The following LAMA1 variants were observed in gnomAD, a reference collection of about 807,000 sequenced individuals.
LAMA1 encodes laminin subunit alpha 1, also known as laminin subunit alpha-1.
A neutral mutation model predicts 348.7 loss-of-function variants in LAMA1; 219 were observed. That is an observed-to-expected ratio of 0.63 (90% CI 0.56 to 0.70). The LOEUF (loss-of-function observed/expected upper bound fraction) is 0.70, where lower values mean the gene tolerates loss of function less well. LAMA1 is among the 30% of genes least tolerant of loss of function. The pLI, the probability that LAMA1 is intolerant of heterozygous loss-of-function variation, is 0.00. For synonymous variants in LAMA1, 1,487 were observed against 1,491.0 expected (o/e 1.00, Z 0.06); for missense variants, 3,744 against 3,888.0 (o/e 0.96, Z 0.99).
intron 1 of LAMA1, among the ~76,000 whole-genome samples, chr18:7,085,468 T>G (rs375856196): frequency 2.2e-3 from 320 of 146,692 alleles, no homozygotes; most frequent in South Asian, 5.4e-3. Flanking sequence ...GCCCAGGCTG[T>G]AGTGCAGTGG....
intron 1 of LAMA1, among the ~76,000 whole-genome samples, chr18:7,099,717 A>T (rs2058283499): frequency 6.6e-6 from 1 of 151,914 alleles, no homozygotes; most frequent in Non-Finnish European, 1.5e-5. Context: ...AATAATAAAA[A>T]ATAAAAAAAA....
At chr18:7,065,131 G>C (rs1370575562) in intron 3 of LAMA1, among the ~76,000 whole-genome samples, 2 of 151,624 alleles carry the variant, frequency 1.3e-5, no homozygotes, top group Non-Finnish European at 2.9e-5. Flanking sequence ...TACTCAGGAG[G>C]CTGAGGCAGG....
intron 1 of LAMA1, among the ~76,000 whole-genome samples, chr18:7,109,315 G>A (rs1245107745): frequency 6.6e-6 from 1 of 152,178 alleles, no homozygotes; most frequent in Non-Finnish European, 1.5e-5. Context: ...GAACCCCCCT[G>A]GGGTTGTCTG....
chr18:6,963,431 G>C (rs919869970), intron 51 of LAMA1, among the ~76,000 whole-genome samples: 2 of 152,176 alleles, frequency 1.3e-5, no homozygotes, highest in Non-Finnish European at 2.9e-5. Context: ...ACTCCGCTGA[G>C]GTTTAAATGG....
At chr18:7,046,247 T>G (rs1161611750) in intron 6 of LAMA1, 31 bp downstream of exon 6, 2 of 1,409,284 alleles carry the variant, frequency 1.4e-6, no homozygotes, top group East Asian at 2.3e-5. Flanking sequence ...TGTTTTGAAG[T>G]TTTAGTAAAA....
At chr18:6,946,485 C>T (rs963132232) in intron 61 of LAMA1, among the ~76,000 whole-genome samples, 1 of 151,904 alleles carries the variant, frequency 6.6e-6, no homozygotes, top group Non-Finnish European at 1.5e-5. Context: ...CTTTGGGAGG[C>T]GAGGCGGGCG....
chr18:7,033,446 ACT>A (rs1184408729), intron 14 of LAMA1, among the ~76,000 whole-genome samples: 1 of 121,996 alleles, frequency 8.2e-6, no homozygotes, highest in African/African-American at 3.6e-5. Flanking sequence ...ATAGAGGGAG[ACT>A]CTGTCTCAAA....
intron 1 of LAMA1, among the ~76,000 whole-genome samples, chr18:7,081,596 T>G (rs1051493541): frequency 1.3e-5 from 2 of 152,210 alleles, no homozygotes; most frequent in East Asian, 3.8e-4. Flanking sequence ...TCCAAACTAT[T>G]CAGGAAACAA....
chr18:7,018,899 G>T (rs2057902393), intron 19 of LAMA1, among the ~76,000 whole-genome samples: 1 of 152,166 alleles, frequency 6.6e-6, no homozygotes, highest in Non-Finnish European at 1.5e-5. Flanking sequence ...CCTCCTTCAT[G>T]ATCTAGGCCA....
In LAMA1 at chr18:7,007,139, C is replaced by T; in HGVS notation, c.4260G>A (p.Leu1420=). Residue 1420 remains leucine (L), a splice_region_variant and synonymous_variant, in exon 29 of 63, where the codon CTG becomes CTA. Transcript: ENST00000389658. ...CAAGCACCCCCACAAACCAGCATACCAGACACTTCCCGGTGTTGGGGTCAC... is the reference window on the plus strand; with the variant it reads ...CAAGCACCCCCACAAACCAGCATACTAGACACTTCCCGGTGTTGGGGTCAC... The part of the protein sequence containing the change: ...DTCDPNTGKC[L]NCGDNTAGDH... 1 of 1,613,938 alleles carries T rather than the reference C, an allele frequency of 6.2e-7. No homozygotes were observed. The highest frequency in any genetic ancestry group is 8.5e-7 in the Non-Finnish European group (1 of 1,179,974).
chr18:6,985,721 C>T lies in LAMA1; in HGVS notation c.5380-78G>A, dbSNP rs376918607. The T allele has an allele frequency of 1.0e-4, 89 of 873,090 alleles. No individual in the cohort carries two copies. The African/African-American group carries it at 1.2e-3, about 12-fold the overall frequency. The allele number at this position is 873,090 out of a possible 1,614,324, so 54.1% of individuals were successfully genotyped here. On this transcript the variant is annotated intron_variant, in intron 37 of 62. Transcript: ENST00000389658. ...GACCTTTGGTGCCTAATGCTACGTG[C>T]AGAAGTTAGTGCATGGGACTCACTT...
intron 41 of LAMA1, among the ~76,000 whole-genome samples, chr18:6,982,061 A>G (rs553107932): frequency 3.8e-4 from 58 of 152,302 alleles, no homozygotes; most frequent in African/African-American, 1.4e-3. Flanking sequence ...ATGATTATTA[A>G]ATGAGAACCT....
chr18:6,974,871 G>A, intron 46 of LAMA1, 32 bp downstream of exon 46: 2 of 1,613,656 alleles, frequency 1.2e-6, no homozygotes, highest in Non-Finnish European at 1.7e-6. Flanking sequence ...CTTTAAAAAA[G>A]AGAGCTGCTT....
intron 58 of LAMA1, among the ~76,000 whole-genome samples, 187 bp from the exon 59 acceptor site, chr18:6,949,446 G>A (rs1469563905): frequency 2.6e-5 from 4 of 152,184 alleles, no homozygotes; most frequent in African/African-American, 9.7e-5. Context: ...GAAGAAAGGA[G>A]GCAGGTATGA....
At chr18:7,019,652 A>C (rs933033554) in intron 19 of LAMA1, among the ~76,000 whole-genome samples, 1 of 149,788 alleles carries the variant, frequency 6.7e-6, no homozygotes, top group Non-Finnish European at 1.5e-5. Flanking sequence ...CTCTCTCTGC[A>C]GTAATAATTA....
At chr18:7,083,568 T>C (rs912565540) in intron 1 of LAMA1, among the ~76,000 whole-genome samples, 1 of 152,194 alleles carries the variant, frequency 6.6e-6, no homozygotes, top group African/African-American at 2.4e-5. Context: ...AGCATGCCTA[T>C]GCAAGTAAAA....
intron 1 of LAMA1, among the ~76,000 whole-genome samples, chr18:7,085,491 T>C: frequency 7.1e-6 from 1 of 141,800 alleles, no homozygotes; most frequent in Admixed American, 7.5e-5. Context: ...CGATCTCCGC[T>C]CACTGCAAGC....
chr18:7,085,018 T>G (rs776944283), intron 1 of LAMA1, among the ~76,000 whole-genome samples: 2 of 151,682 alleles, frequency 1.3e-5, no homozygotes, highest in East Asian at 1.9e-4. Context: ...AAGTATGAGG[T>G]TTTTTTTCCA....
At chr18:7,051,292 G>A (rs1449106884) in intron 3 of LAMA1, among the ~76,000 whole-genome samples, 1 of 152,148 alleles carries the variant, frequency 6.6e-6, no homozygotes, top group Non-Finnish European at 1.5e-5. Context: ...TCTGGATTGT[G>A]ATGATTCTTT....
Sources: allele counts gnomAD v4.1 joint callset (sites outside exome capture counted in the v4.1 genomes callset), GRCh38; gene constraint gnomAD v4.1.1; transcripts MANE v1.5; gene names NCBI Gene and HGNC (gene_info 2026-07-23, HGNC 2026-07-21).